The following HS3ST4 variants were observed in gnomAD, a reference collection of about 807,000 sequenced individuals.
HS3ST4 encodes the protein heparan sulfate-glucosamine 3-sulfotransferase 4, also known as heparan sulfate glucosamine 3-O-sulfotransferase 4.
Under a neutral mutation model 29.2 loss-of-function variants are expected in HS3ST4, and 17 were observed. That is an observed-to-expected ratio of 0.58 (90% CI 0.40 to 0.87). The LOEUF is 0.87. Among genes scored for constraint, HS3ST4 ranks in the 40% least tolerant of loss-of-function variants. The pLI is 0.00. For synonymous variants in HS3ST4, 314 were observed against 285.7 expected, an observed-to-expected ratio of 1.10 and a Z score of -1.00; for missense variants, 627 against 634.5, an observed-to-expected ratio of 0.99 and a Z score of 0.13.
intron 1 of HS3ST4, among the ~76,000 whole-genome samples, chr16:25,950,356 T>C (rs1968671189): frequency 6.6e-6 from 1 of 152,078 alleles, no homozygotes; most frequent in Admixed American, 6.6e-5. Flanking sequence ...TTAGTCATTT[T>C]TGTGCTTTCC....
At chr16:26,003,297 T>C (rs1001548065) in intron 1 of HS3ST4, among the ~76,000 whole-genome samples, 1 of 152,200 alleles carries the variant, frequency 6.6e-6, no homozygotes, top group Non-Finnish European at 1.5e-5. Flanking sequence ...ACCTACATCA[T>C]AGGGCTGCAA....
At chr16:26,122,300 A>G (rs1405709359) in intron 1 of HS3ST4, among the ~76,000 whole-genome samples, 1 of 152,054 alleles carries the variant, frequency 6.6e-6, no homozygotes, top group Non-Finnish European at 1.5e-5. Flanking sequence ...TTAAGGGATT[A>G]TTGAATTCAT....
intron 1 of HS3ST4, among the ~76,000 whole-genome samples, chr16:25,875,367 CCAAA>C (rs1967819740): frequency 2.0e-5 from 3 of 152,066 alleles, no homozygotes; most frequent in South Asian, 4.1e-4. Flanking sequence ...GATGAGAATG[CCAAA>C]CAGTCTATTC....
chr16:25,820,507 C>A (rs1038415583), intron 1 of HS3ST4, among the ~76,000 whole-genome samples: 1 of 152,188 alleles, frequency 6.6e-6, no homozygotes, highest in African/African-American at 2.4e-5. Context: ...GATCCTCCTG[C>A]CTCAGCCTCC....
chr16:26,091,409 G>T (rs1898855054), intron 1 of HS3ST4, among the ~76,000 whole-genome samples: 1 of 152,156 alleles, frequency 6.6e-6, no homozygotes, highest in Non-Finnish European at 1.5e-5. Context: ...TGCCCAATCA[G>T]ATCCACATAC....
intron 1 of HS3ST4, among the ~76,000 whole-genome samples, chr16:25,871,773 C>G (rs1967754947): frequency 6.6e-6 from 1 of 152,146 alleles, no homozygotes; most frequent in Non-Finnish European, 1.5e-5. Context: ...TTACTGGGTA[C>G]TCTCAAGCAG....
At chr16:25,814,484 T>C (rs1967072996) in intron 1 of HS3ST4, among the ~76,000 whole-genome samples, 1 of 152,158 alleles carries the variant, frequency 6.6e-6, no homozygotes, top group African/African-American at 2.4e-5. Flanking sequence ...GTAGCTGGGA[T>C]TACAGGTGCA....
chr16:25,714,857 G>C (rs1966441276), intron 1 of HS3ST4, among the ~76,000 whole-genome samples: 1 of 152,136 alleles, frequency 6.6e-6, no homozygotes, highest in Admixed American at 6.5e-5. Flanking sequence ...TACAAACAAG[G>C]CTGCAGAAAG....
intron 1 of HS3ST4, among the ~76,000 whole-genome samples, chr16:25,806,320 C>CGT (rs376606482): frequency 3.3e-5 from 5 of 151,088 alleles, no homozygotes; most frequent in South Asian, 4.2e-4. Flanking sequence ...TGAGTGCAAG[C>CGT]GTGTGTGTGT....
intron 1 of HS3ST4, among the ~76,000 whole-genome samples, chr16:25,854,302 A>G (rs1195330965): frequency 1.3e-5 from 2 of 152,136 alleles, no homozygotes; most frequent in African/African-American, 2.4e-5. Flanking sequence ...TTTAGACCAT[A>G]TAGAGTAACT....
intron 1 of HS3ST4, among the ~76,000 whole-genome samples, chr16:26,113,389 T>G (rs1354234278): frequency 6.7e-6 from 1 of 148,176 alleles, no homozygotes; most frequent in Non-Finnish European, 1.5e-5. Flanking sequence ...GAGGTTGCAG[T>G]GAGCCGAGAT....
intron 1 of HS3ST4, among the ~76,000 whole-genome samples, chr16:25,789,333 C>A (rs1263556633): frequency 6.7e-6 from 1 of 150,212 alleles, no homozygotes; most frequent in East Asian, 2.0e-4. Context: ...CCTCCATTTT[C>A]TCCTCCCTCT....
At chr16:26,096,256 C>T (rs1420242583) in intron 1 of HS3ST4, among the ~76,000 whole-genome samples, 1 of 152,172 alleles carries the variant, frequency 6.6e-6, no homozygotes, top group African/African-American at 2.4e-5. Context: ...AGGCCAACAT[C>T]ATCCTGATAC....
chr16:25,850,398 T>G (rs1967507102), intron 1 of HS3ST4, among the ~76,000 whole-genome samples: 2 of 152,212 alleles, frequency 1.3e-5, no homozygotes, highest in Non-Finnish European at 2.9e-5. Context: ...ACCCAGTCTT[T>G]AAGATGAAGT....
At chr16:25,879,316 T>C (rs1186964660) in intron 1 of HS3ST4, among the ~76,000 whole-genome samples, 1 of 152,164 alleles carries the variant, frequency 6.6e-6, no homozygotes, top group Non-Finnish European at 1.5e-5. Flanking sequence ...TGTTGGCCAC[T>C]GTATTAGTCC....
chr16:25,768,498 A>G (rs1319176597), intron 1 of HS3ST4, among the ~76,000 whole-genome samples: 1 of 152,224 alleles, frequency 6.6e-6, no homozygotes, highest in East Asian at 1.9e-4. Flanking sequence ...ACCAGGTGTG[A>G]GCCGACCAGG....
At chr16:25,739,684 A>C (rs1020364884) in intron 1 of HS3ST4, among the ~76,000 whole-genome samples, 7 of 149,482 alleles carry the variant, frequency 4.7e-5, no homozygotes, top group Admixed American at 1.3e-4. Flanking sequence ...AAAGTGCTTC[A>C]CAGAGCAGGA....
intron 1 of HS3ST4, among the ~76,000 whole-genome samples, chr16:25,811,250 G>T (rs867554503): frequency 6.6e-6 from 1 of 150,940 alleles, no homozygotes; most frequent in African/African-American, 2.4e-5. Flanking sequence ...TTCCACCTCT[G>T]TCAACCCCAA....
chr16:26,114,796 G>A (rs1334349790), intron 1 of HS3ST4, among the ~76,000 whole-genome samples: 1 of 152,116 alleles, frequency 6.6e-6, no homozygotes, highest in East Asian at 1.9e-4. Flanking sequence ...TGGTATAACA[G>A]CATGGAGGGC....
Sources: gnomAD v4.1 joint callset for allele counts (sites outside exome capture counted in the v4.1 genomes callset) on GRCh38, gnomAD v4.1.1 for gene constraint, MANE v1.5 for transcripts, NCBI Gene and HGNC (gene_info 2026-07-23, HGNC 2026-07-21) for gene names.